Variants in SPARCL1 observed in about 807,000 individuals in gnomAD.
SPARCL1 encodes the protein SPARC-like protein 1.
SPARCL1 carries 52 observed loss-of-function variants against 67.1 expected under a neutral mutation model. The ratio of observed to expected loss-of-function variants is 0.78; its 90% confidence interval spans 0.62 to 0.98. The LOEUF is 0.98. SPARCL1 is among the 50% of genes least tolerant of loss of function. The pLI, the probability that SPARCL1 is intolerant of heterozygous loss-of-function variation, is 0.00. For synonymous variants in SPARCL1, 226 were observed against 267.8 expected (o/e 0.84, Z 1.52); for missense variants, 717 against 782.4 (o/e 0.92, Z 1.00).
At chr4:87,498,099 C>T (rs1475867094) in intron 2 of SPARCL1, among the ~76,000 whole-genome samples, 1 of 152,136 alleles carries the variant, frequency 6.6e-6, no homozygotes. Flanking sequence ...ACAGCAACAG[C>T]CACAAGGACA....
At chr4:87,490,184 C>T in intron 7 of SPARCL1, 89 bp downstream of exon 7, 2 of 1,359,884 alleles carry the variant, frequency 1.5e-6, no homozygotes, top group Non-Finnish European at 1.9e-6. Flanking sequence ...ATCAGCTTTT[C>T]CCTGTTTGCA....
At chr4:87,499,813 C>G (rs1232265365) in intron 1 of SPARCL1, among the ~76,000 whole-genome samples, 1 of 152,120 alleles carries the variant, frequency 6.6e-6, no homozygotes, top group Non-Finnish European at 1.5e-5. Flanking sequence ...TTCGGCAGAA[C>G]CTATCTCTGT....
intron 8 of SPARCL1, among the ~76,000 whole-genome samples, chr4:87,480,820 C>CCTTTTTTTTTTTTT (rs59503255): frequency 7.5e-6 from 1 of 133,384 alleles, no homozygotes. Flanking sequence ...ATGTTCGCTG[C>CCTTTTTTTTTTTTT]TTTTTTTTTT....
chr4:87,526,523 T>G (rs1726051154), intron 1 of SPARCL1, among the ~76,000 whole-genome samples: 1 of 152,202 alleles, frequency 6.6e-6, no homozygotes, highest in South Asian at 2.1e-4. Flanking sequence ...TGTATTATTA[T>G]CCCCATTTTG....
intron 1 of SPARCL1, among the ~76,000 whole-genome samples, chr4:87,523,801 A>G (rs1725922375): frequency 6.6e-6 from 1 of 152,224 alleles, no homozygotes; most frequent in Admixed American, 6.5e-5. Context: ...ATTACAATAT[A>G]TTACCCATTT....
intron 1 of SPARCL1, among the ~76,000 whole-genome samples, chr4:87,511,155 T>C (rs1725336261): frequency 1.3e-5 from 2 of 152,144 alleles, no homozygotes; most frequent in South Asian, 2.1e-4. Flanking sequence ...CCATCAAGTG[T>C]CACCCACCTC....
chr4:87,525,383 A>G (rs1290453385), intron 1 of SPARCL1, among the ~76,000 whole-genome samples: 4 of 152,214 alleles, frequency 2.6e-5, no homozygotes, highest in Non-Finnish European at 5.9e-5. Flanking sequence ...AATGGATTAG[A>G]TTAAAACAAC....
chr4:87,529,051 G>A lies in SPARCL1; in HGVS notation c.-18C>T, dbSNP rs1206722980. The stretch of plus-strand genomic sequence containing the variant: ...TAAATTTATTACAACTTACCTTTAA[G>A]TAAGGGGCTGGACCCAGAGCCACTG... On this transcript the variant is annotated 5_prime_UTR_variant, in exon 1 of 11. Coordinates refer to ENST00000282470, the MANE Select transcript of SPARCL1 (RefSeq NM_004684.6). 6.6e-6 allele frequency: 1 copy of A among 152,156 alleles called. No homozygotes were observed. The highest frequency in any genetic ancestry group is 1.9e-4 in the East Asian group (1 of 5,200). 9.4% of individuals were successfully genotyped at this position (152,156 alleles called of 1,614,324 possible).
At chr4:87,504,476 C>G (rs1335873390) in intron 1 of SPARCL1, among the ~76,000 whole-genome samples, 2 of 152,032 alleles carry the variant, frequency 1.3e-5, no homozygotes, top group African/African-American at 4.8e-5. Context: ...AATAAATTTA[C>G]AAATGGGATA....
At chr4:87,495,256 C>A in intron 2 of SPARCL1, 129 bp from the exon 3 acceptor site, 1 of 753,506 alleles carries the variant, frequency 1.3e-6, no homozygotes, top group East Asian at 2.8e-5. Context: ...TAAAAATATT[C>A]TCTAGAGTTT....
chr4:87,523,121 C>A (rs528868161), intron 1 of SPARCL1, among the ~76,000 whole-genome samples: 2 of 152,048 alleles, frequency 1.3e-5, no homozygotes, highest in Admixed American at 6.6e-5. Context: ...ATTAGCCAGG[C>A]GTGGTGGTGC....
At chr4:87,523,461 T>C (rs1725908334) in intron 1 of SPARCL1, among the ~76,000 whole-genome samples, 1 of 152,166 alleles carries the variant, frequency 6.6e-6, no homozygotes. Flanking sequence ...ATACGCCCTT[T>C]AAAAAGCACT....
At position 87,487,287 on chromosome 4, in the gene SPARCL1, G is replaced by A. The variant is rs753600903; in HGVS notation, c.1531+2986C>T. The stretch of plus-strand genomic sequence containing the variant: ...TCAGAAGCTCTTGTAAAGCAGGCCT[G>A]GTGGTGAAAAAATCTCTCAGCATTT... On this transcript the variant is annotated intron_variant, in intron 7 of 10. Transcript: ENST00000282470. Among the ~76,000 whole-genome samples, 306 of 152,112 alleles carry A rather than the reference G, an allele frequency of 2.0e-3. 5 individuals are homozygous for A. The highest frequency in any genetic ancestry group is 2.5e-3 in the Non-Finnish European group (169 of 67,988).
At chr4:87,516,764 T>A (rs938005588) in intron 1 of SPARCL1, among the ~76,000 whole-genome samples, 8 of 152,216 alleles carry the variant, frequency 5.3e-5, no homozygotes, top group Non-Finnish European at 4.4e-5. Context: ...TTCCTCCTTT[T>A]CTATAATGTG....
At chr4:87,489,981 T>G (rs912416327) in intron 7 of SPARCL1, among the ~76,000 whole-genome samples, 38 of 152,330 alleles carry the variant, frequency 2.5e-4, no homozygotes, top group African/African-American at 7.7e-4. Context: ...TGTGATTAAG[T>G]GGATAGCATT....
intron 4 of SPARCL1, among the ~76,000 whole-genome samples, chr4:87,492,262 A>G (rs751703544): frequency 1.3e-5 from 2 of 152,142 alleles, no homozygotes; most frequent in Non-Finnish European, 1.5e-5. Flanking sequence ...TACTAAAAAT[A>G]CAAAAATTAG....
In SPARCL1 at chr4:87,499,895, G is replaced by GA. The variant is rs5860080; in HGVS notation, c.-11-311dup. ...CTTAAGATTCATGAGTATTCATAAT[G>GA]AAAAAAAAAAGTCATATGTCAAGGT... On this transcript the variant is annotated intron_variant, in intron 1 of 10. Transcript: ENST00000282470. Among the ~76,000 whole-genome samples the GA allele has an allele frequency of 6.7e-5, 10 of 149,978 alleles. No homozygotes were observed. In the South Asian group the frequency reaches 8.4e-4, roughly 13 times the overall value.
intron 10 of SPARCL1, among the ~76,000 whole-genome samples, chr4:87,478,218 T>C (rs986062519): frequency 1.3e-5 from 2 of 152,206 alleles, no homozygotes; most frequent in African/African-American, 4.8e-5. Context: ...TTAATTTATG[T>C]TCTGTGAGTG....
chr4:87,493,432 A>G, intron 4 of SPARCL1, 150 bp downstream of exon 4: 1 of 636,088 alleles, frequency 1.6e-6, no homozygotes, highest in South Asian at 3.3e-5. Context: ...CTAATGATAG[A>G]GATAGACCTA....
Sources: allele counts gnomAD v4.1 joint callset (sites outside exome capture counted in the v4.1 genomes callset), GRCh38; gene constraint gnomAD v4.1.1; transcripts MANE v1.5; gene names NCBI Gene and HGNC (gene_info 2026-07-23, HGNC 2026-07-21).